The following DOK6 variants were observed in gnomAD, a reference collection of about 807,000 sequenced individuals.
DOK6 encodes the protein docking protein 6, also known as downstream of tyrosine kinase 6.
A neutral mutation model predicts 44.0 loss-of-function variants in DOK6; 22 were observed. That is an observed-to-expected ratio of 0.50 (90% confidence interval 0.36 to 0.71). The LOEUF (loss-of-function observed/expected upper bound fraction) is 0.71, where lower values mean the gene tolerates loss of function less well. DOK6 is among the 30% of genes least tolerant of loss of function. DOK6 has a pLI of 0.00. For missense variants in DOK6, 340 were observed against 416.4 expected, an observed-to-expected ratio of 0.82 and a Z score of 1.60; for synonymous variants, 166 against 145.5, an observed-to-expected ratio of 1.14 and a Z score of -1.01.
At chr18:69,555,891 A>G (rs1441866670) in intron 1 of DOK6, among the ~76,000 whole-genome samples, 3 of 152,236 alleles carry the variant, frequency 2.0e-5, no homozygotes, top group African/African-American at 7.2e-5. Context: ...TTAAACAAAC[A>G]AACAAAACAC....
At chr18:69,647,795 C>T (rs545611115) in intron 3 of DOK6, among the ~76,000 whole-genome samples, 14 of 152,176 alleles carry the variant, frequency 9.2e-5, no homozygotes, top group African/African-American at 3.4e-4. Flanking sequence ...CATAGAGCAA[C>T]TCCATGTCAT....
At chr18:69,538,464 C>T (rs1202557232) in intron 1 of DOK6, among the ~76,000 whole-genome samples, 2 of 152,044 alleles carry the variant, frequency 1.3e-5, no homozygotes, top group East Asian at 3.9e-4. Flanking sequence ...CTCCCTGCAG[C>T]CTTGACCTCC....
chr18:69,466,155 C>T (rs1403345005), intron 1 of DOK6, among the ~76,000 whole-genome samples: 1 of 152,136 alleles, frequency 6.6e-6, no homozygotes, highest in Admixed American at 6.5e-5. Context: ...CTTTGACAAA[C>T]ATTATTCTAT....
At chr18:69,699,877 C>T (rs1224793537) in intron 5 of DOK6, among the ~76,000 whole-genome samples, 5 of 151,988 alleles carry the variant, frequency 3.3e-5, no homozygotes, top group African/African-American at 9.7e-5. Context: ...ATACCCAAGA[C>T]TGGGCAATTC....
intron 5 of DOK6, among the ~76,000 whole-genome samples, chr18:69,715,656 T>C (rs1568342512): frequency 6.6e-6 from 1 of 152,238 alleles, no homozygotes; most frequent in Non-Finnish European, 1.5e-5. Flanking sequence ...TTACAGTCTT[T>C]GAAATAAAGG....
intron 7 of DOK6, among the ~76,000 whole-genome samples, chr18:69,771,621 C>T (rs571740015): frequency 4.0e-5 from 6 of 151,622 alleles, no homozygotes; most frequent in South Asian, 2.1e-4. Flanking sequence ...ATTTACAGAG[C>T]GCAAAATCAC....
rs544235340 is a variant in DOK6 at position 69,455,061 on chromosome 18, A to T, written c.66+53751A>T. On this transcript the variant is annotated intron_variant, in intron 1 of 7. Coordinates refer to ENST00000382713, the MANE Select transcript of DOK6 (RefSeq NM_152721.6). ...GTACCCTAAAACTTAAAGTATAATA[A>T]AAAAAAAAGAAAAGAAAAGAAAAGA... is the stretch of plus-strand genomic sequence containing the variant. Among the ~76,000 whole-genome samples, 98 of 142,206 alleles carry T rather than the reference A, an allele frequency of 6.9e-4. 1 individual carries two copies. In the South Asian group the frequency reaches 0.019, roughly 28 times the overall value. The allele number at this position is 142,206 out of a possible 152,430, so 93.3% of individuals were successfully genotyped here.
intron 3 of DOK6, among the ~76,000 whole-genome samples, chr18:69,644,906 T>TTAGAAAATA (rs1985032945): frequency 6.6e-6 from 1 of 152,228 alleles, no homozygotes; most frequent in Admixed American, 6.5e-5. Context: ...TTTCCTTTTC[T>TTAGAAAATA]TAGAAAATAT....
intron 1 of DOK6, among the ~76,000 whole-genome samples, chr18:69,454,933 T>G (rs1979581273): frequency 3.3e-5 from 4 of 122,228 alleles, no homozygotes; most frequent in Admixed American, 8.3e-5. Flanking sequence ...GGGGGAGGGA[T>G]AGCATTGGGA....
intron 3 of DOK6, among the ~76,000 whole-genome samples, chr18:69,608,043 CTT>C (rs1475111106): frequency 2.0e-5 from 3 of 151,942 alleles, no homozygotes; most frequent in African/African-American, 7.3e-5. Flanking sequence ...TTTAAGAAGA[CTT>C]AAATTATAAA....
intron 1 of DOK6, among the ~76,000 whole-genome samples, chr18:69,426,157 A>G (rs888042738): frequency 6.6e-6 from 1 of 152,100 alleles, no homozygotes; most frequent in African/African-American, 2.4e-5. Context: ...TTCTTCATAT[A>G]CCACATTTCT....
intron 3 of DOK6, among the ~76,000 whole-genome samples, chr18:69,607,923 T>A (rs561166121): frequency 6.6e-6 from 1 of 152,280 alleles, no homozygotes; most frequent in African/African-American, 2.4e-5. Flanking sequence ...AACTATAATG[T>A]GAAAAAACCC....
intron 7 of DOK6, among the ~76,000 whole-genome samples, chr18:69,834,354 G>A (rs1981983405): frequency 6.6e-6 from 1 of 152,086 alleles, no homozygotes; most frequent in South Asian, 2.1e-4. Flanking sequence ...AGAGTAGAAC[G>A]GTGGTTTCCA....
At chr18:69,442,235 T>A (rs1324836918) in intron 1 of DOK6, among the ~76,000 whole-genome samples, 2 of 152,202 alleles carry the variant, frequency 1.3e-5, no homozygotes, top group East Asian at 3.8e-4. Flanking sequence ...TTTTTATTTT[T>A]AAAGATCTTC....
intron 6 of DOK6, among the ~76,000 whole-genome samples, chr18:69,747,373 G>A (rs1392359228): frequency 6.6e-6 from 1 of 152,128 alleles, no homozygotes; most frequent in African/African-American, 2.4e-5. Flanking sequence ...ATCACAGGGG[G>A]AAGAAAAGCC....
chr18:69,584,239 G>GT (rs1247492062), intron 2 of DOK6, among the ~76,000 whole-genome samples: 2 of 152,014 alleles, frequency 1.3e-5, no homozygotes, highest in African/African-American at 4.8e-5. Context: ...TCATATCTGG[G>GT]TTTTTTCTTT....
chr18:69,507,221 G>A (rs1200757790), intron 1 of DOK6, among the ~76,000 whole-genome samples: 1 of 151,916 alleles, frequency 6.6e-6, no homozygotes, highest in Non-Finnish European at 1.5e-5. Flanking sequence ...TAGAGAGGGG[G>A]TTTCACCGTG....
chr18:69,456,515 G>A (rs1015557944), intron 1 of DOK6, among the ~76,000 whole-genome samples: 3 of 152,162 alleles, frequency 2.0e-5, no homozygotes, highest in Non-Finnish European at 4.4e-5. Context: ...ATTCCATGGT[G>A]TATATGTATC....
chr18:69,772,757 A>G (rs545775983), intron 7 of DOK6, among the ~76,000 whole-genome samples: 78 of 152,154 alleles, frequency 5.1e-4, no homozygotes, highest in Middle Eastern at 6.8e-3. Context: ...TCCTAGAAGG[A>G]TAAGCTTCAG....
Sources: allele counts gnomAD v4.1 joint callset (sites outside exome capture counted in the v4.1 genomes callset), GRCh38; gene constraint gnomAD v4.1.1; transcripts MANE v1.5; gene names NCBI Gene and HGNC (gene_info 2026-07-23, HGNC 2026-07-21).